The following ULK4 variants were observed in gnomAD, a reference collection of about 807,000 sequenced individuals.
ULK4 encodes the protein unc-51 like kinase 4, also known as inactive serine/threonine-protein kinase ULK4.
A neutral mutation model predicts 160.6 loss-of-function variants in ULK4; 133 were observed. That is an observed-to-expected ratio of 0.83 (90% CI 0.72 to 0.96). The LOEUF is 0.96. Among genes scored for constraint, ULK4 ranks in the 40% least tolerant of loss-of-function variants. The pLI is 0.00. For missense variants in ULK4, 1,580 were observed against 1,499.5 expected (o/e 1.05, Z -0.89); for synonymous variants, 534 against 539.8 (o/e 0.99, Z 0.15).
chr3:41,858,170 T>G (rs2042412377), intron 17 of ULK4, among the ~76,000 whole-genome samples: 1 of 120,986 alleles, frequency 8.3e-6, no homozygotes, highest in African/African-American at 4.1e-5. Flanking sequence ...TTTTTTTTTT[T>G]GGCAGAATCT....
chr3:41,444,156 C>G (rs1200780758), intron 34 of ULK4, among the ~76,000 whole-genome samples: 1 of 152,136 alleles, frequency 6.6e-6, no homozygotes, highest in African/African-American at 2.4e-5. Flanking sequence ...TATATTCCCA[C>G]AGCCAGCTTC....
chr3:41,620,514 CCACATGATTATCT>C (rs1196608775), intron 30 of ULK4, among the ~76,000 whole-genome samples: 1 of 152,128 alleles, frequency 6.6e-6, no homozygotes, highest in African/African-American at 2.4e-5. Context: ...AATGACAAAA[CCACATGATTATCT>C]CAATAGATGC....
chr3:41,923,402 G>C (rs1699264693), intron 5 of ULK4, among the ~76,000 whole-genome samples: 1 of 152,140 alleles, frequency 6.6e-6, no homozygotes. Context: ...GGGAGACTGA[G>C]ACCAGAGAAT....
chr3:41,473,570 G>C (rs544769302), intron 32 of ULK4, among the ~76,000 whole-genome samples: 2 of 150,952 alleles, frequency 1.3e-5, no homozygotes, highest in African/African-American at 2.4e-5. Flanking sequence ...GCTGAGGTGG[G>C]AGCATCGCTT....
intron 25 of ULK4, among the ~76,000 whole-genome samples, chr3:41,710,753 C>T (rs544032920): frequency 3.3e-5 from 5 of 150,924 alleles, no homozygotes; most frequent in South Asian, 2.1e-4. Context: ...GAGATCGCTC[C>T]GCTGCACAAG....
chr3:41,683,045 G>A (rs2035974124), intron 27 of ULK4, among the ~76,000 whole-genome samples: 1 of 152,014 alleles, frequency 6.6e-6, no homozygotes, highest in South Asian at 2.1e-4. Context: ...TAGGAATGAG[G>A]CTTGGCTCCA....
At chr3:41,611,147 G>A (rs555838005) in intron 31 of ULK4, among the ~76,000 whole-genome samples, 24 of 152,318 alleles carry the variant, frequency 1.6e-4, no homozygotes, top group African/African-American at 5.5e-4. Flanking sequence ...TATTAAACAA[G>A]CGCAGACTGC....
intron 27 of ULK4, among the ~76,000 whole-genome samples, chr3:41,693,761 T>C (rs927486329): frequency 6.6e-6 from 1 of 152,244 alleles, no homozygotes; most frequent in Admixed American, 6.5e-5. Flanking sequence ...ATATATCTTT[T>C]TCTATAGTTT....
intron 32 of ULK4, among the ~76,000 whole-genome samples, chr3:41,565,230 G>A (rs1465875064): frequency 6.6e-6 from 1 of 152,212 alleles, no homozygotes; most frequent in Non-Finnish European, 1.5e-5. Flanking sequence ...CGTAATGCAT[G>A]ACTGTACATG....
At chr3:41,774,284 C>T (rs1273323496) in intron 21 of ULK4, among the ~76,000 whole-genome samples, 1 of 150,878 alleles carries the variant, frequency 6.6e-6, no homozygotes, top group Non-Finnish European at 1.5e-5. Flanking sequence ...AGTGAACAGG[C>T]AACCTACAAA....
chr3:41,565,694 T>C (rs1041989265), intron 32 of ULK4, among the ~76,000 whole-genome samples: 1 of 152,206 alleles, frequency 6.6e-6, no homozygotes, highest in Admixed American at 6.5e-5. Context: ...AATAGATTTC[T>C]TTTTGTTTTA....
In ULK4 at chr3:41,434,002, G is replaced by A. The variant is rs531888579; in HGVS notation, c.3492+21495C>T. Among the ~76,000 whole-genome samples the A allele has an allele frequency of 5.3e-5, 8 of 152,258 alleles. No homozygotes were observed. The East Asian group carries it at 7.7e-4, about 15-fold the overall frequency. On this transcript the variant is annotated intron_variant, in intron 34 of 36. Coordinates refer to ENST00000301831, the MANE Select transcript of ULK4 (RefSeq NM_017886.4). The stretch of plus-strand genomic sequence containing the variant: ...CTCCCAAAGTGCTGGGATTACAGGC[G>A]TGAGCCACCACACCCGGCCTATCCC...
intron 32 of ULK4, among the ~76,000 whole-genome samples, chr3:41,524,338 C>A (rs1418244583): frequency 6.6e-6 from 1 of 152,162 alleles, no homozygotes; most frequent in Non-Finnish European, 1.5e-5. Flanking sequence ...TGAGTGAGGT[C>A]ATTTACTAAA....
At chr3:41,533,428 G>C (rs915277584) in intron 32 of ULK4, among the ~76,000 whole-genome samples, 1 of 152,148 alleles carries the variant, frequency 6.6e-6, no homozygotes, top group African/African-American at 2.4e-5. Context: ...TAATGTCCCT[G>C]TTACTTCAGT....
intron 22 of ULK4, among the ~76,000 whole-genome samples, chr3:41,747,191 A>G (rs1277790439): frequency 1.3e-5 from 2 of 151,940 alleles, no homozygotes; most frequent in African/African-American, 4.9e-5. Flanking sequence ...TCTGTAAAAT[A>G]TCCTGTTAAG....
intron 30 of ULK4, among the ~76,000 whole-genome samples, chr3:41,629,572 C>T (rs774044977): frequency 1.2e-4 from 19 of 152,264 alleles, no homozygotes; most frequent in Non-Finnish European, 2.4e-4. Flanking sequence ...TAGACTCCAC[C>T]TCTTGATGGA....
At position 41,259,552 on chromosome 3, in the gene ULK4, TA is replaced by T. The variant is rs2078904926; in HGVS notation, c.3679-9979del. Among the ~76,000 whole-genome samples, 3 of 152,118 alleles carry T rather than the reference TA, an allele frequency of 2.0e-5. No homozygotes were observed. The South Asian group carries it at 6.2e-4, about 32-fold the overall frequency. On this transcript the variant is annotated intron_variant, in intron 35 of 36. Transcript: ENST00000301831. Reference sequence around the variant, plus strand: ...TGCCTATACTCCTCATCTAAGGCCTTAAAAAACAAGCAAACCAGAACTTCTA... The same window carrying T: ...TGCCTATACTCCTCATCTAAGGCCTTAAAAACAAGCAAACCAGAACTTCTA...
At chr3:41,367,194 T>A (rs547548413) in intron 35 of ULK4, among the ~76,000 whole-genome samples, 1 of 152,190 alleles carries the variant, frequency 6.6e-6, no homozygotes. Context: ...CTGTTCATGT[T>A]CATAAATGAA....
chr3:41,440,666 G>C (rs2083144898), intron 34 of ULK4, among the ~76,000 whole-genome samples: 2 of 152,044 alleles, frequency 1.3e-5, no homozygotes, highest in Non-Finnish European at 2.9e-5. Flanking sequence ...CTAGCCTCTA[G>C]AATGAGTTGG....
Sources: gnomAD v4.1 joint callset for allele counts (sites outside exome capture counted in the v4.1 genomes callset) on GRCh38, gnomAD v4.1.1 for gene constraint, MANE v1.5 for transcripts, NCBI Gene and HGNC (gene_info 2026-07-23, HGNC 2026-07-21) for gene names.